Variants in DCD observed in about 807,000 individuals in gnomAD.
DCD encodes the protein dermcidin.
Under a neutral mutation model 14.5 loss-of-function variants are expected in DCD, and 17 were observed. The observed-to-expected ratio is 1.18, with a 90% CI of 0.81 to 1.76. The LOEUF is 1.76. Ranked by LOEUF, DCD falls within the 40% of genes most tolerant of loss-of-function variation. The probability of loss-of-function intolerance (pLI) is 0.00; values close to 1 mark genes in which losing one functional copy is unlikely to be tolerated. For synonymous variants in DCD, 64 were observed against 54.0 expected (o/e 1.19, Z -0.82); for missense variants, 139 against 133.4 (o/e 1.04, Z -0.21).
chr12:54,644,772 A>T lies in DCD; in HGVS notation c.290-16T>A. On this transcript the variant is annotated splice_polypyrimidine_tract_variant and intron_variant, in intron 4 of 4. Transcript: ENST00000293371. ...TGGACGGCTCCTAGGACAGCCACAG[A>T]AAAAAATGGGGTAAAGGGGTAGGAA... is the stretch of plus-strand genomic sequence containing the variant. The T allele has an allele frequency of 6.2e-7, 1 of 1,600,850 alleles. No homozygotes were observed. Among genetic ancestry groups the T allele is most frequent in the South Asian group, 1.1e-5 (1 of 89,624 alleles).
In DCD at chr12:54,644,636, T is replaced by C; in HGVS notation, c.*77A>G. The C allele has an allele frequency of 1.9e-6, 2 of 1,049,738 alleles. No homozygotes were observed. Among genetic ancestry groups the C allele is most frequent in the Non-Finnish European group, 2.8e-6 (2 of 726,342 alleles). 65.0% of individuals were successfully genotyped at this position (1,049,738 alleles called of 1,614,324 possible). On this transcript the variant is annotated 3_prime_UTR_variant, in exon 5 of 5. Transcript: ENST00000293371. ...ATAGCTGTTTTAAATTTTTTTTTTT[T>C]TTTTTTTTTTTAGGTTTTAGGCTGA... is the stretch of plus-strand genomic sequence containing the variant.
rs1958279060 is a variant in DCD, at chr12:54,648,361, G to T, written c.-58C>A. On this transcript the variant is annotated 5_prime_UTR_variant, in exon 1 of 5. Coordinates refer to ENST00000293371, the MANE Select transcript of DCD (RefSeq NM_053283.4). ...ATCCTTGGAGATCTTGGGATCTAGG[G>T]TGTCAAGACTGCCTCTCTGGGCCTT... 1 of 1,609,932 alleles carries T rather than the reference G, an allele frequency of 6.2e-7. No individual in the cohort carries two copies. Among genetic ancestry groups the T allele is most frequent in the Non-Finnish European group, 8.5e-7 (1 of 1,177,914 alleles).
chr12:54,645,924 C>G (rs191053900), intron 2 of DCD: 8 of 574,676 alleles, frequency 1.4e-5, no homozygotes, highest in Admixed American at 2.5e-5. Flanking sequence ...CCTCCAGGGC[C>G]CTTTTCTAGA....
At chr12:54,646,898 C>T (rs1478550023) in intron 2 of DCD, among the ~76,000 whole-genome samples, 1 of 152,172 alleles carries the variant, frequency 6.6e-6, no homozygotes, top group East Asian at 1.9e-4. Context: ...ATTTTTCTTA[C>T]TCCACTTCTA....
intron 2 of DCD, chr12:54,645,973 A>G: frequency 2.0e-6 from 1 of 502,770 alleles, no homozygotes; most frequent in Non-Finnish European, 3.9e-6. Flanking sequence ...TCATTTTGGC[A>G]GAAAGATCAC....
At chr12:54,644,877 T>G (rs1592200038) in intron 4 of DCD, 121 bp from the exon 5 acceptor site, 1 of 1,549,562 alleles carries the variant, frequency 6.5e-7, no homozygotes. Flanking sequence ...GGCCTGGAGG[T>G]GCTTACACAG....
At chr12:54,645,151 A>G in intron 4 of DCD, 22 bp downstream of exon 4, 1 of 1,611,248 alleles carries the variant, frequency 6.2e-7, no homozygotes, top group Non-Finnish European at 8.5e-7. Flanking sequence ...GTCCTGAGGG[A>G]GGAGTGGGGA....
At position 54,648,272 on chromosome 12, in the gene DCD, G is replaced by A. The variant is rs752472469; in HGVS notation, c.32C>T (p.Ala11Val). The change falls in exon 1 of 5, where the codon GCT becomes GTT. Residue 11 changes from alanine to valine, a missense_variant. Ala to Val is a moderately conservative substitution (Grantham distance 64, BLOSUM62 0). Transcript: ENST00000293371. MRFMTLLFLT[A>V]LAGALVCAYD... Reference sequence around the variant, plus strand: ...GGCACAGACCAGGGCTCCTGCCAGAGCTGTCAGGAAGAGGAGAGTCATGAA... The same window carrying A: ...GGCACAGACCAGGGCTCCTGCCAGAACTGTCAGGAAGAGGAGAGTCATGAA... The A allele has an allele frequency of 6.2e-7, 1 of 1,614,010 alleles. No homozygotes were observed. The highest frequency in any genetic ancestry group is 1.7e-5 in the Admixed American group (1 of 60,028).
intron 4 of DCD, 82 bp from the exon 5 acceptor site, chr12:54,644,838 AGAGGTAGGGGAAGGG>A: frequency 6.4e-7 from 1 of 1,552,730 alleles, no homozygotes; most frequent in Non-Finnish European, 8.7e-7. Context: ...TTGGGGAAGG[AGAGGTAGGGGAAGGG>A]GAAGGGGAAG....
intron 2 of DCD, among the ~76,000 whole-genome samples, chr12:54,646,870 A>G (rs1005535169): frequency 1.3e-5 from 2 of 152,078 alleles, no homozygotes; most frequent in African/African-American, 4.8e-5. Context: ...GCTCAAGAAA[A>G]GTATTCTTTT....
At chr12:54,646,978 C>T (rs1592201103) in intron 2 of DCD, 143 bp downstream of exon 2, 1 of 744,502 alleles carries the variant, frequency 1.3e-6, no homozygotes, top group Non-Finnish European at 2.1e-6. Flanking sequence ...CAGGAAGTCT[C>T]CCTTCTCCAT....
chr12:54,644,624 A>ATTTTTTTTT lies in DCD; in HGVS notation c.*80_*88dup. On this transcript the variant is annotated 3_prime_UTR_variant, in exon 5 of 5. Coordinates refer to ENST00000293371, the MANE Select transcript of DCD (RefSeq NM_053283.4). ...GCTTTCAGTTTAATAGCTGTTTTAA[A>ATTTTTTTTT]TTTTTTTTTTTTTTTTTTTTTTTAG... 5 of 651,420 alleles carry ATTTTTTTTT rather than the reference A, an allele frequency of 7.7e-6. No homozygotes were observed. In the Admixed American group the frequency reaches 9.3e-5, roughly 12 times the overall value. 40.4% of individuals were successfully genotyped at this position (651,420 alleles called of 1,614,324 possible).
intron 4 of DCD, 150 bp downstream of exon 4, chr12:54,645,023 A>C: frequency 6.7e-7 from 1 of 1,500,734 alleles, no homozygotes. Context: ...ATCAGACAAG[A>C]ATGGCAATTT....
intron 1 of DCD, among the ~76,000 whole-genome samples, 179 bp from the exon 2 acceptor site, chr12:54,647,338 A>T (rs1223854790): frequency 1.3e-5 from 2 of 152,132 alleles, no homozygotes; most frequent in African/African-American, 4.8e-5. Context: ...TCTCAACCAA[A>T]TCCCTCTCTC....
intron 2 of DCD, chr12:54,646,270 G>A: frequency 2.5e-6 from 1 of 402,066 alleles, no homozygotes; most frequent in Non-Finnish European, 5.0e-6. Flanking sequence ...GAGGGTGCAG[G>A]TGTGTGCTGT....
In DCD at chr12:54,645,647, C is replaced by G; in HGVS notation, c.158G>C (p.Arg53Thr). The change falls in exon 3 of 5, where the codon AGA becomes ACA. Residue 53 changes from arginine to threonine, a missense_variant. Coordinates refer to ENST00000293371, the MANE Select transcript of DCD (RefSeq NM_053283.4). ...CTGCTTCCTTGGCTTTGGTGCCTGT[C>G]TGGCTAACCCTGGGTCTTCACCTGC... ...ENAGEDPGLA[R>T]QAPKPRKQRS... The G allele has an allele frequency of 6.2e-7, 1 of 1,614,194 alleles. No homozygotes were observed. Among genetic ancestry groups the G allele is most frequent in the Non-Finnish European group, 8.5e-7 (1 of 1,180,004 alleles).
intron 2 of DCD, 151 bp downstream of exon 2, chr12:54,646,969 AG>A: frequency 2.9e-6 from 2 of 699,106 alleles, no homozygotes; most frequent in Non-Finnish European, 4.7e-6. Flanking sequence ...TGAGTCTCTC[AG>A]GAAGTCTCCC....
In DCD at chr12:54,644,659, T is replaced by C. The variant is rs1958238759; in HGVS notation, c.*54A>G. ...TTTTTTTTTTTTTTAGGTTTTAGGC[T>C]GAAGACGTAAAGCCTGCTGCTCCTG... On this transcript the variant is annotated 3_prime_UTR_variant, in exon 5 of 5. Coordinates refer to ENST00000293371, the MANE Select transcript of DCD (RefSeq NM_053283.4). 2.8e-6 allele frequency: 3 copies of C among 1,087,032 alleles called. No homozygotes were observed. The highest frequency in any genetic ancestry group is 2.4e-5 in the East Asian group (1 of 41,752). 67.3% of individuals were successfully genotyped at this position (1,087,032 alleles called of 1,614,324 possible). A position where few individuals can be genotyped will look rare whatever the true frequency, so the allele number is the denominator to read the frequency against.
At chr12:54,645,855 T>TGTTAG (rs531702378) in intron 2 of DCD, 148 bp from the exon 3 acceptor site, 1 of 650,982 alleles carries the variant, frequency 1.5e-6, no homozygotes, top group South Asian at 1.8e-5. Context: ...TTTCATGATG[T>TGTTAG]GTTAGGTTCT....
Sources: allele counts gnomAD v4.1 joint callset (sites outside exome capture counted in the v4.1 genomes callset), GRCh38; gene constraint gnomAD v4.1.1; transcripts MANE v1.5; gene names NCBI Gene and HGNC (gene_info 2026-07-23, HGNC 2026-07-21).